Variants in TMEM132B observed in about 807,000 individuals in gnomAD.
The protein encoded by TMEM132B is transmembrane protein 132B.
In TMEM132B, 18 loss-of-function variants were observed where a neutral mutation model predicts 90.8. The observed-to-expected ratio is 0.20, with a 90% CI of 0.14 to 0.29. TMEM132B has a LOEUF of 0.29. TMEM132B is among the 10% of genes least tolerant of loss of function. The pLI is 1.00. For missense variants in TMEM132B, 1,096 were observed against 1,326.8 expected (o/e 0.83, Z 2.70); for synonymous variants, 504 against 523.3 (o/e 0.96, Z 0.50).
intron 1 of TMEM132B, among the ~76,000 whole-genome samples, chr12:125,345,411 C>G (rs1877323878): frequency 6.6e-6 from 1 of 152,180 alleles, no homozygotes; most frequent in Non-Finnish European, 1.5e-5. Flanking sequence ...CATGTCCCAC[C>G]AGTGCTGACT....
At chr12:125,324,204 T>C (rs889234603) in intron 1 of TMEM132B, among the ~76,000 whole-genome samples, 7 of 152,226 alleles carry the variant, frequency 4.6e-5, no homozygotes, top group Non-Finnish European at 1.0e-4. Flanking sequence ...GTTTGAATAA[T>C]AATTCTTTGA....
At chr12:125,641,887 G>T (rs1222100178) in intron 5 of TMEM132B, among the ~76,000 whole-genome samples, 1 of 152,170 alleles carries the variant, frequency 6.6e-6, no homozygotes, top group African/African-American at 2.4e-5. Context: ...ACAGAACATT[G>T]GACTGAGAAA....
At chr12:125,589,774 T>A (rs1422675972) in intron 5 of TMEM132B, among the ~76,000 whole-genome samples, 1 of 152,090 alleles carries the variant, frequency 6.6e-6, no homozygotes, top group Non-Finnish European at 1.5e-5. Context: ...CAGTACTAAG[T>A]GGGATGGTGC....
In TMEM132B at chr12:125,415,699, G is replaced by A. The variant is rs762506240; in HGVS notation, c.1106+22G>A. ...GCAGGTAAGCATGGAGATCCCCAAG[G>A]CACCTCCGCAGTGGGGAGGAGGGGA... On this transcript the variant is annotated intron_variant, in intron 3 of 8. Coordinates refer to ENST00000682704, the MANE Select transcript of TMEM132B (RefSeq NM_001366854.1). The surrounding 1 kb of genome is among the most constrained non-coding windows in gnomAD (Gnocchi z 5.3). 6.2e-7 allele frequency: 1 copy of A among 1,613,208 alleles called. No homozygotes were observed. Among genetic ancestry groups the A allele is most frequent in the Non-Finnish European group, 8.5e-7 (1 of 1,179,510 alleles).
chr12:125,277,572 T>G lies in TMEM132B; in HGVS notation c.68-71880T>G, dbSNP rs1461860620. On this transcript the variant is annotated intron_variant, in intron 1 of 8. Transcript: ENST00000682704. The surrounding 1 kb of genome is among the most constrained non-coding windows in gnomAD (Gnocchi z 4.3). The stretch of plus-strand genomic sequence containing the variant: ...AGGCCATGTGAAGATGCAGCAGAGA[T>G]TGGAGTGACGTGCCTACATGCCAGG... Among the ~76,000 whole-genome samples, 1 of 148,368 alleles carries G rather than the reference T, an allele frequency of 6.7e-6. No homozygotes were observed. Among genetic ancestry groups the G allele is most frequent in the Non-Finnish European group, 1.5e-5 (1 of 67,496 alleles).
chr12:125,500,823 G>A (rs558239069), intron 3 of TMEM132B, among the ~76,000 whole-genome samples: 71 of 152,230 alleles, frequency 4.7e-4, no homozygotes, highest in African/African-American at 1.5e-3. Context: ...GGGGTCAAGC[G>A]AGAGACTAAT....
intron 1 of TMEM132B, among the ~76,000 whole-genome samples, chr12:125,227,065 C>CAGG (rs1488029347): frequency 1.3e-5 from 2 of 152,118 alleles, no homozygotes; most frequent in African/African-American, 4.8e-5. Flanking sequence ...ACAAAAGTGC[C>CAGG]AGGAGTGAGT....
rs116719299 is a variant in TMEM132B at position 125,188,271 on chromosome 12, A to G, written c.67+1405A>G. 2.8e-3 allele frequency among the ~76,000 whole-genome samples: 431 copies of G among 152,278 alleles called. 1 individual carries two copies. Among genetic ancestry groups the G allele is most frequent in the African/African-American group, 0.01 (417 of 41,548 alleles). On this transcript the variant is annotated intron_variant, in intron 1 of 8. Coordinates refer to ENST00000682704, the MANE Select transcript of TMEM132B (RefSeq NM_001366854.1). ...TTGCCTGCTTGGCTAAGGAGCAGCT[A>G]TGATAGCTGTTTTGCTTTCGGCATT...
rs576425795 is a variant in TMEM132B at position 125,498,603 on chromosome 12, G to A, written c.1107-20836G>A. Among the ~76,000 whole-genome samples the A allele has an allele frequency of 9.4e-4, 143 of 152,334 alleles. No individual in the cohort carries two copies. The highest frequency in any genetic ancestry group is 3.3e-3 in the African/African-American group (139 of 41,566). On this transcript the variant is annotated intron_variant, in intron 3 of 8. Coordinates refer to ENST00000682704, the MANE Select transcript of TMEM132B (RefSeq NM_001366854.1). This position sits in a 1 kb window ranked among gnomAD's most constrained non-coding sequence, Gnocchi z 4.5. ...AAACCAGCCAGGCTGGTCCCCTGGT[G>A]GAGGGACTCAGAAAACATAACTCAG...
At chr12:125,347,656 G>T (rs961833196) in intron 1 of TMEM132B, among the ~76,000 whole-genome samples, 41 of 152,322 alleles carry the variant, frequency 2.7e-4, no homozygotes, top group African/African-American at 9.6e-4. Context: ...AAGCGCCACG[G>T]TCAGGTGCCA....
intron 5 of TMEM132B, among the ~76,000 whole-genome samples, chr12:125,627,640 C>T (rs1435813943): frequency 6.6e-6 from 1 of 152,036 alleles, no homozygotes; most frequent in Non-Finnish European, 1.5e-5. Context: ...TGCCCATCCC[C>T]TCAAGCATTT....
intron 1 of TMEM132B, among the ~76,000 whole-genome samples, chr12:125,263,077 C>A (rs527391099): frequency 6.6e-6 from 1 of 152,362 alleles, no homozygotes; most frequent in South Asian, 2.1e-4. Flanking sequence ...ACTGCTCGTT[C>A]CTTCTCAAGT....
At chr12:125,621,235 C>T (rs1030833247) in intron 5 of TMEM132B, among the ~76,000 whole-genome samples, 14 of 151,980 alleles carry the variant, frequency 9.2e-5, no homozygotes, top group Middle Eastern at 3.4e-3. Context: ...ATTGGAGAGA[C>T]GGGGAAGACT....
At position 125,587,332 on chromosome 12, in the gene TMEM132B, A is replaced by G. The variant is rs1355020348; in HGVS notation, c.1437+3338A>G. ...TACAGGTTGATTTTTATTAGCATGA[A>G]TGGGTGTGTGCCTCAGAGCAGAGGT... is the stretch of plus-strand genomic sequence containing the variant. On this transcript the variant is annotated intron_variant, in intron 5 of 8. Transcript: ENST00000682704. 2.0e-5 allele frequency: 3 copies of G among 152,244 alleles called. No individual in the cohort carries two copies. In the East Asian group the frequency reaches 5.8e-4, roughly 29 times the overall value. 9.4% of individuals were successfully genotyped at this position (152,244 alleles called of 1,614,324 possible).
chr12:125,583,764 CA>C, intron 4 of TMEM132B, 86 bp from the exon 5 acceptor site: 1 of 1,470,766 alleles, frequency 6.8e-7, no homozygotes, highest in Non-Finnish European at 9.3e-7. Flanking sequence ...AGAATGAAGG[CA>C]GTAGGGAGCT....
chr12:125,202,434 G>A (rs1873082874), intron 1 of TMEM132B, among the ~76,000 whole-genome samples: 1 of 152,212 alleles, frequency 6.6e-6, no homozygotes, highest in Admixed American at 6.5e-5. Flanking sequence ...TGTTAGCTAA[G>A]GTTTGGGTCT....
intron 3 of TMEM132B, among the ~76,000 whole-genome samples, chr12:125,450,167 A>T (rs978863395): frequency 1.3e-5 from 2 of 152,186 alleles, no homozygotes; most frequent in African/African-American, 4.8e-5. Flanking sequence ...TTGCAGTCAA[A>T]TTTTACCATT....
chr12:125,540,473 ATCCAT>A (rs1195829270), intron 4 of TMEM132B, among the ~76,000 whole-genome samples: 1 of 152,190 alleles, frequency 6.6e-6, no homozygotes, highest in Non-Finnish European at 1.5e-5. Flanking sequence ...ATTTTGCTCT[ATCCAT>A]TTTGAAGCTC....
At chr12:125,508,017 G>A (rs1386985935) in intron 3 of TMEM132B, among the ~76,000 whole-genome samples, 1 of 152,150 alleles carries the variant, frequency 6.6e-6, no homozygotes, top group Non-Finnish European at 1.5e-5. Flanking sequence ...TATTTTTAAG[G>A]TAGAACCAGC....
Sources: gnomAD v4.1 joint callset for allele counts (sites outside exome capture counted in the v4.1 genomes callset) on GRCh38, gnomAD v4.1.1 for gene constraint, Gnocchi (gnomAD v3.1) non-coding constraint, MANE v1.5 for transcripts, NCBI Gene and HGNC (gene_info 2026-07-23, HGNC 2026-07-21) for gene names.